Variants in PARD3 observed in about 807,000 individuals in gnomAD.
PARD3 encodes the protein par-3 family cell polarity regulator.
PARD3 carries 75 observed loss-of-function variants against 155.4 expected under a neutral mutation model. That is an observed-to-expected ratio of 0.48 (90% confidence interval 0.40 to 0.58). The LOEUF (loss-of-function observed/expected upper bound fraction) is 0.58, where lower values mean the gene tolerates loss of function less well. PARD3 is among the 20% of genes least tolerant of loss of function. PARD3 has a pLI of 0.00. For missense variants in PARD3, 1,642 were observed against 1,721.7 expected (o/e 0.95, Z 0.82); for synonymous variants, 576 against 610.5 (o/e 0.94, Z 0.83).
intron 20 of PARD3, among the ~76,000 whole-genome samples, chr10:34,293,824 T>C (rs1475014242): frequency 2.6e-5 from 4 of 152,178 alleles, no homozygotes; most frequent in Non-Finnish European, 5.9e-5. Flanking sequence ...AAGGGTCAAT[T>C]TGAACATTTC....
At chr10:34,575,912 G>T (rs2086849376) in intron 2 of PARD3, among the ~76,000 whole-genome samples, 2 of 152,012 alleles carry the variant, frequency 1.3e-5, no homozygotes, top group South Asian at 4.2e-4. Context: ...AAAAGAAAAA[G>T]AAAGAAAGAA....
At chr10:34,198,394 C>T (rs906021291) in intron 22 of PARD3, among the ~76,000 whole-genome samples, 36 of 151,530 alleles carry the variant, frequency 2.4e-4, no homozygotes, top group Admixed American at 3.3e-4. Flanking sequence ...AACCTGGGTA[C>T]CAATTTTAAC....
chr10:34,495,075 A>G (rs2080179538), intron 3 of PARD3, among the ~76,000 whole-genome samples: 2 of 152,048 alleles, frequency 1.3e-5, no homozygotes, highest in Admixed American at 6.6e-5. Flanking sequence ...GTTGAGCCCA[A>G]TTTCCTGGCA....
chr10:34,198,884 T>A (rs949729045), intron 22 of PARD3, among the ~76,000 whole-genome samples: 10 of 152,276 alleles, frequency 6.6e-5, no homozygotes, highest in African/African-American at 2.4e-4. Context: ...TGCTCCATTG[T>A]GGAACAGCTG....
At chr10:34,181,420 A>C (rs1363399652) in intron 22 of PARD3, among the ~76,000 whole-genome samples, 1 of 152,212 alleles carries the variant, frequency 6.6e-6, no homozygotes, top group East Asian at 1.9e-4. Flanking sequence ...TTCATATGCA[A>C]AAACTCAGAG....
intron 2 of PARD3, among the ~76,000 whole-genome samples, chr10:34,653,995 C>G (rs2093093029): frequency 6.6e-6 from 1 of 152,064 alleles, no homozygotes. Flanking sequence ...TGGTAAGATG[C>G]ATGCTTATAC....
chr10:34,364,273 G>A (rs1204976235), intron 12 of PARD3, among the ~76,000 whole-genome samples: 1 of 152,132 alleles, frequency 6.6e-6, no homozygotes, highest in African/African-American at 2.4e-5. Flanking sequence ...AAAGAAACAT[G>A]GAATGTGCAC....
intron 15 of PARD3, among the ~76,000 whole-genome samples, chr10:34,347,690 C>T (rs544987952): frequency 1.3e-5 from 2 of 152,298 alleles, no homozygotes; most frequent in East Asian, 3.9e-4. Flanking sequence ...ATCTTGATCA[C>T]TAGAAAACAT....
chr10:34,413,868 G>C (rs1240328059), intron 5 of PARD3, among the ~76,000 whole-genome samples: 2 of 152,172 alleles, frequency 1.3e-5, no homozygotes, highest in Admixed American at 1.3e-4. Flanking sequence ...TAAACCATGA[G>C]AAAACTTGTG....
chr10:34,651,762 C>G (rs1013767570), intron 2 of PARD3, among the ~76,000 whole-genome samples: 2 of 152,174 alleles, frequency 1.3e-5, no homozygotes, highest in African/African-American at 4.8e-5. Context: ...TTTGGTAGAA[C>G]AAAGTGGACA....
At position 34,344,980 on chromosome 10, in the gene PARD3, T is replaced by C. The variant is rs1012294370; in HGVS notation, c.2218+2985A>G. 1.2e-5 allele frequency: 12 copies of C among 985,278 alleles called. No individual in the cohort carries two copies. In the African/African-American group the frequency reaches 1.9e-4, roughly 16 times the overall value. The allele number at this position is 985,278 out of a possible 1,614,324, so 61.0% of individuals were successfully genotyped here. On this transcript the variant is annotated intron_variant, in intron 15 of 24. Transcript: ENST00000374788. Reference sequence around the variant, plus strand: ...GTGGTTTGAAGGCTGCTTTCAAAGATTTAACGTCTTTGATTTTTTTAGTCA... The same window carrying C: ...GTGGTTTGAAGGCTGCTTTCAAAGACTTAACGTCTTTGATTTTTTTAGTCA...
intron 22 of PARD3, among the ~76,000 whole-genome samples, chr10:34,138,715 G>A (rs1948029663): frequency 2.6e-5 from 4 of 152,026 alleles, no homozygotes. Flanking sequence ...AAGATTTTTT[G>A]TTAACCATAT....
intron 22 of PARD3, among the ~76,000 whole-genome samples, chr10:34,241,362 C>G (rs559325218): frequency 6.6e-6 from 1 of 151,212 alleles, no homozygotes; most frequent in Non-Finnish European, 1.5e-5. Context: ...AGGAGGCCAG[C>G]GTGGCTGGAC....
intron 20 of PARD3, among the ~76,000 whole-genome samples, chr10:34,290,923 C>G (rs973750772): frequency 6.6e-6 from 1 of 152,216 alleles, no homozygotes; most frequent in African/African-American, 2.4e-5. Flanking sequence ...CTGCATAGTC[C>G]AGAGCACATT....
At position 34,784,660 on chromosome 10, in the gene PARD3, C is replaced by T. The variant is rs1264663130; in HGVS notation, c.120+30216G>A. Among the ~76,000 whole-genome samples, 4 of 152,204 alleles carry T rather than the reference C, an allele frequency of 2.6e-5. No homozygotes were observed. The East Asian group carries it at 5.8e-4, about 22-fold the overall frequency. On this transcript the variant is annotated intron_variant, in intron 1 of 24. Coordinates refer to ENST00000374788, the MANE Select transcript of PARD3 (RefSeq NM_001184785.2). ...CCATGTTGGCCAGGCTGGTCTCGAA[C>T]TCCTGACCTCAAGCGATCCGCCCGC... is the stretch of plus-strand genomic sequence containing the variant.
chr10:34,211,914 T>C (rs1206884264), intron 22 of PARD3, among the ~76,000 whole-genome samples: 1 of 152,168 alleles, frequency 6.6e-6, no homozygotes, highest in Non-Finnish European at 1.5e-5. Context: ...CCCAAGGCTC[T>C]TTCTGGTATT....
Position 34,111,418 on chromosome 10 carries a change from G to A in PARD3, c.3813C>T (p.Gly1271=). ...GSRNGYLGGH[G]FNARVMLETQ... ...TTTCCAGCATGACCCTGGCGTTGAAGCCATGTCCTCCCAGGTAGCCGTTCC... is the reference window on the plus strand; with the variant it reads ...TTTCCAGCATGACCCTGGCGTTGAAACCATGTCCTCCCAGGTAGCCGTTCC... The change falls in exon 25 of 25, where the codon GGC becomes GGT. Residue 1271 remains glycine, a synonymous_variant. Coordinates refer to ENST00000374788, the MANE Select transcript of PARD3 (RefSeq NM_001184785.2). 1 of 1,614,204 alleles carries A rather than the reference G, an allele frequency of 6.2e-7. No individual in the cohort carries two copies. The highest frequency in any genetic ancestry group is 1.1e-5 in the South Asian group (1 of 91,084).
chr10:34,167,326 T>C (rs1290110292), intron 22 of PARD3, among the ~76,000 whole-genome samples: 1 of 152,192 alleles, frequency 6.6e-6, no homozygotes, highest in Non-Finnish European at 1.5e-5. Flanking sequence ...TGCCGGCATG[T>C]GCATTTTGGT....
intron 22 of PARD3, among the ~76,000 whole-genome samples, chr10:34,245,930 G>A (rs1953922838): frequency 6.6e-6 from 1 of 152,216 alleles, no homozygotes; most frequent in Non-Finnish European, 1.5e-5. Context: ...AGTGACAGCT[G>A]AAGACGTGAC....
Sources: gnomAD v4.1 joint callset for allele counts (sites outside exome capture counted in the v4.1 genomes callset) on GRCh38, gnomAD v4.1.1 for gene constraint, MANE v1.5 for transcripts, NCBI Gene and HGNC (gene_info 2026-07-23, HGNC 2026-07-21) for gene names.